The following CACNB1 variants were observed in gnomAD, a reference collection of about 807,000 sequenced individuals.
CACNB1 encodes the protein calcium voltage-gated channel auxiliary subunit beta 1.
Under a neutral mutation model 71.6 loss-of-function variants are expected in CACNB1, and 29 were observed. That is an observed-to-expected ratio of 0.40 (90% CI 0.30 to 0.55). CACNB1 has a LOEUF of 0.55. Ranked by LOEUF, CACNB1 falls within the 20% of genes least tolerant of loss-of-function variation. The pLI, the probability that CACNB1 is intolerant of heterozygous loss-of-function variation, is 0.38. For synonymous variants in CACNB1, 300 were observed against 319.6 expected (o/e 0.94, Z 0.65); for missense variants, 623 against 801.8 (o/e 0.78, Z 2.69).
chr17:39,185,767 G>C (rs1004255837), intron 6 of CACNB1, among the ~76,000 whole-genome samples: 1 of 152,152 alleles, frequency 6.6e-6, no homozygotes, highest in Admixed American at 6.5e-5. Context: ...TGGAGATCGG[G>C]CCAGGGTGGA....
intron 11 of CACNB1, chr17:39,182,983 T>C: frequency 1.0e-6 from 1 of 982,904 alleles, no homozygotes; most frequent in Non-Finnish European, 1.2e-6. Flanking sequence ...CAACTCTTCC[T>C]CCGTGTTTCT....
chr17:39,187,295 C>T, intron 4 of CACNB1, 184 bp downstream of exon 4: 1 of 706,422 alleles, frequency 1.4e-6, no homozygotes, highest in Non-Finnish European at 2.3e-6. Context: ...AACCTTCTGA[C>T]CTAAGCATTA....
rs748565528 is a variant in CACNB1, at chr17:39,186,484, G to A, written c.628+12C>T. 1.6e-5 allele frequency: 26 copies of A among 1,607,352 alleles called. No individual in the cohort carries two copies. The highest frequency in any genetic ancestry group is 3.3e-4 in the Middle Eastern group (2 of 6,072). On this transcript the variant is annotated intron_variant, in intron 6 of 13. Transcript: ENST00000394303. The surrounding 1 kb of genome is among the most constrained non-coding windows in gnomAD (Gnocchi z 4.1). Reference sequence around the variant, plus strand: ...GCTTCTTCCCAAACCCCTGCATGGCGATGGCTCTTACCACTGGCAGGGGGT... The same window carrying A: ...GCTTCTTCCCAAACCCCTGCATGGCAATGGCTCTTACCACTGGCAGGGGGT...
At chr17:39,193,646 ACCGGGGATCAGAG>A in intron 2 of CACNB1, 1 of 266,584 alleles carries the variant, frequency 3.8e-6, no homozygotes, top group Non-Finnish European at 7.6e-6. Context: ...CCCACCACCT[ACCGGGGATCAGAG>A]CTGGGGAGCT....
intron 2 of CACNB1, chr17:39,193,244 G>A (rs1476477584): frequency 6.7e-6 from 2 of 300,190 alleles, no homozygotes; most frequent in Non-Finnish European, 1.3e-5. Context: ...ACACACAGGT[G>A]CACACAGACA....
chr17:39,177,527 A>C lies in CACNB1; in HGVS notation c.1155T>G (p.Phe385Leu). The change falls in exon 13 of 14, where the codon TTT becomes TTG. Residue 385 changes from phenylalanine to leucine, a missense_variant. Phe to Leu is a conservative substitution (Grantham distance 22). Coordinates refer to ENST00000394303, the MANE Select transcript of CACNB1 (RefSeq NM_000723.5). Reference protein sequence around the residue: ...EKLAQCPPEMFDIILDENQLE... With the variant: ...EKLAQCPPEMLDIILDENQLE... ...ATTGGTTCTCATCCAGGATGATGTC[A>C]AACATTTCCTGTGAAGGCGGGGTTA... 1.9e-6 allele frequency: 3 copies of C among 1,590,612 alleles called. No individual in the cohort carries two copies. In the South Asian group the frequency reaches 3.4e-5, roughly 18 times the overall value.
Position 39,197,432 on chromosome 17 carries a change from C to A in CACNB1, c.64G>T (p.Val22Phe), listed in dbSNP as rs770960457. Residue 22 changes from valine to phenylalanine, a missense_variant, in exon 1 of 14, where the codon GTC becomes TTC. By Grantham distance (50) the Val-to-Phe change is conservative. Transcript: ENST00000394303. ...YPPSQEIPME[V>F]FDPSPQGKYS... ...CTCACCTGCGGGCTGGGGTCGAAGACCTCCATGGGGATCTCCTGGGAGGGT... is the reference window on the plus strand; with the variant it reads ...CTCACCTGCGGGCTGGGGTCGAAGAACTCCATGGGGATCTCCTGGGAGGGT... The A allele has an allele frequency of 2.7e-6, 4 of 1,477,802 alleles. No individual in the cohort carries two copies. Among genetic ancestry groups the A allele is most frequent in the Non-Finnish European group, 3.6e-6 (4 of 1,118,680 alleles). The allele number at this position is 1,477,802 out of a possible 1,614,324, so 91.5% of individuals were successfully genotyped here. A position where few individuals can be genotyped will look rare whatever the true frequency, so the allele number is the denominator to read the frequency against.
Position 39,177,440 on chromosome 17 carries a change from C to A in CACNB1, c.1242G>T (p.Pro414=), listed in dbSNP as rs926135591. 1 of 1,613,676 alleles carries A rather than the reference C, an allele frequency of 6.2e-7. No individual in the cohort carries two copies. The highest frequency in any genetic ancestry group is 2.2e-5 in the East Asian group (1 of 44,872). The change falls in exon 13 of 14, where the codon CCG becomes CCT. Residue 414 remains proline (P), a synonymous_variant. Transcript: ENST00000394303. ...YLEAYWKATH[P]PSSTPPNPLL... is the part of the protein sequence containing the mutation. ...GCGGATTGGGTGGCGTGCTGCTGGG[C>A]GGGTGTGTGGCCTTCCAATAGGCTT... is the stretch of plus-strand genomic sequence containing the variant.
chr17:39,194,969 C>A lies in CACNB1; in HGVS notation c.86G>T (p.Gly29Val). ...PMEVFDPSPQ[G>V]KYSKRKGRFK... ...TCGCCCTTTCCTCTTGCTGTATTTG[C>A]CCTGAAGAGGCCAGGAAAGGAACAA... is the stretch of plus-strand genomic sequence containing the variant. The change falls in exon 2 of 14, where the codon GGC becomes GTC. Residue 29 changes from glycine (G) to valine (V), a missense_variant and splice_region_variant. Physicochemically the swap from Gly to Val is moderately radical, Grantham distance 109 (BLOSUM62 -3). Coordinates refer to ENST00000394303, the MANE Select transcript of CACNB1 (RefSeq NM_000723.5). This position sits in a 1 kb window ranked among gnomAD's most constrained non-coding sequence, Gnocchi z 4.6. 3.7e-6 allele frequency: 6 copies of A among 1,607,686 alleles called. No homozygotes were observed. Among genetic ancestry groups the A allele is most frequent in the Non-Finnish European group, 5.1e-6 (6 of 1,175,218 alleles).
chr17:39,185,377 G>A (rs2045909066), intron 6 of CACNB1, among the ~76,000 whole-genome samples: 2 of 152,070 alleles, frequency 1.3e-5, no homozygotes, highest in African/African-American at 4.8e-5. Flanking sequence ...GCTGGGAGCA[G>A]GACTGACAGT....
chr17:39,189,086 C>T lies in CACNB1; in HGVS notation c.292-1485G>A, dbSNP rs541441953. Among the ~76,000 whole-genome samples the T allele has an allele frequency of 9.5e-4, 144 of 151,956 alleles. 3 individuals are homozygous for T. The South Asian group carries it at 0.025, about 26-fold the overall frequency. On this transcript the variant is annotated intron_variant, in intron 3 of 13. Transcript: ENST00000394303. ...AATTAATTAAATAATAGTTATAGGC[C>T]GGGCGCAATGGCTCATGCCTGTAAT...
intron 1 of CACNB1, among the ~76,000 whole-genome samples, chr17:39,196,910 G>A (rs1490069386): frequency 6.6e-6 from 1 of 152,038 alleles, no homozygotes; most frequent in African/African-American, 2.4e-5. Context: ...CCACCCTCGA[G>A]AACCAGTGTC....
Position 39,184,800 on chromosome 17 carries a change from G to T in CACNB1, c.713C>A (p.Ser238Ter). 6.2e-7 allele frequency: 1 copy of T among 1,611,344 alleles called. No homozygotes were observed. The highest frequency in any genetic ancestry group is 8.5e-7 in the Non-Finnish European group (1 of 1,177,802). Residue 238 changes from serine (S) to a stop codon, truncating the protein, a stop_gained, in exon 8 of 14, where the codon TCG becomes TAG. Coordinates refer to ENST00000394303, the MANE Select transcript of CACNB1 (RefSeq NM_000723.5). LOFTEE classifies it high-confidence loss of function. ...AAGTCCTACCTCGTAGCCCTTGAGC[G>T]ACGGTCCCACCAGGATGATGGGCCT... ...SMRPIILVGP[S>*]LKGYEVTDMM...
At chr17:39,183,641 G>A in intron 11 of CACNB1, 72 bp downstream of exon 11, 5 of 1,204,208 alleles carry the variant, frequency 4.2e-6, no homozygotes, top group Non-Finnish European at 5.8e-6. Flanking sequence ...GTAAGCAGTG[G>A]AGCTGGGATT....
At position 39,177,355 on chromosome 17, in the gene CACNB1, G is replaced by C; in HGVS notation, c.1327C>G (p.Leu443Val). Reference sequence around the variant, plus strand: ...AGCGAGGTGAGCACCTGTACCTGGAGGTTGGAGACAGGGGCAGGGCTGGCA... The same window carrying C: ...AGCGAGGTGAGCACCTGTACCTGGACGTTGGAGACAGGGGCAGGGCTGGCA... ...LAASPAPVSN[L>V]QGPYLASGDQ... Residue 443 changes from leucine to valine, a missense_variant, in exon 13 of 14, where the codon CTC (leucine) becomes GTC (valine). By Grantham distance (32) the Leu-to-Val change is conservative. Transcript: ENST00000394303. 6.2e-7 allele frequency: 1 copy of C among 1,613,310 alleles called. No homozygotes were observed. The highest frequency in any genetic ancestry group is 8.5e-7 in the Non-Finnish European group (1 of 1,179,738).
chr17:39,186,343 A>G lies in CACNB1; in HGVS notation c.628+153T>C. The stretch of plus-strand genomic sequence containing the variant: ...ACATGACAGGCCCAGCTTGAGGGGT[A>G]GCCTACTCTTCATGGAGGGGGAACC... On this transcript the variant is annotated intron_variant, in intron 6 of 13. Transcript: ENST00000394303. This position sits in a 1 kb window ranked among gnomAD's most constrained non-coding sequence, Gnocchi z 4.1. 1.6e-6 allele frequency: 1 copy of G among 645,078 alleles called. No individual in the cohort carries two copies. Among genetic ancestry groups the G allele is most frequent in the Non-Finnish European group, 2.7e-6 (1 of 368,530 alleles). The allele number at this position is 645,078 out of a possible 1,614,324, so 40.0% of individuals were successfully genotyped here.
chr17:39,186,613 T>A lies in CACNB1; in HGVS notation c.552-41A>T, dbSNP rs1361397510. Reference sequence around the variant, plus strand: ...CAAACCGAGCTTGTGAGCAAAGAGGTGGGCGTGGGGGGCTCTCATCCTCTC... The same window carrying A: ...CAAACCGAGCTTGTGAGCAAAGAGGAGGGCGTGGGGGGCTCTCATCCTCTC... On this transcript the variant is annotated intron_variant, in intron 5 of 13. Coordinates refer to ENST00000394303, the MANE Select transcript of CACNB1 (RefSeq NM_000723.5). This position sits in a 1 kb window ranked among gnomAD's most constrained non-coding sequence, Gnocchi z 4.1. 1 of 1,577,022 alleles carries A rather than the reference T, an allele frequency of 6.3e-7. No individual in the cohort carries two copies. Among genetic ancestry groups the A allele is most frequent in the South Asian group, 1.1e-5 (1 of 89,234 alleles).
intron 1 of CACNB1, among the ~76,000 whole-genome samples, chr17:39,197,185 G>A (rs2046218121): frequency 6.6e-6 from 1 of 152,096 alleles, no homozygotes; most frequent in Admixed American, 6.5e-5. Flanking sequence ...ATAAGGAGGC[G>A]AGGGTGACAG....
chr17:39,197,668 C>T lies in CACNB1; in HGVS notation c.-173G>A. On this transcript the variant is annotated 5_prime_UTR_variant, in exon 1 of 14. It adds an upstream start codon to the 5' untranslated region. Transcript: ENST00000394303. ...TCCCTCGCTCCTCCCGCTCTCTCCACTGCCGCCGCCGCCTCCCCCGTAGGC... is the reference window on the plus strand; with the variant it reads ...TCCCTCGCTCCTCCCGCTCTCTCCATTGCCGCCGCCGCCTCCCCCGTAGGC... The T allele has an allele frequency of 1.9e-6, 1 of 529,178 alleles. No homozygotes were observed. The highest frequency in any genetic ancestry group is 4.3e-5 in the Admixed American group (1 of 23,146). 32.8% of individuals were successfully genotyped at this position (529,178 alleles called of 1,614,324 possible).
Sources: allele counts gnomAD v4.1 joint callset (sites outside exome capture counted in the v4.1 genomes callset), GRCh38; gene constraint gnomAD v4.1.1; non-coding constraint Gnocchi (gnomAD v3.1); transcripts MANE v1.5; gene names NCBI Gene and HGNC (gene_info 2026-07-23, HGNC 2026-07-21).